Variants in ABCB11 observed in about 807,000 individuals in gnomAD.
ABCB11 encodes the protein bile salt export pump.
Under a neutral mutation model 148.0 loss-of-function variants are expected in ABCB11, and 95 were observed. That is an observed-to-expected ratio of 0.64 (90% CI 0.54 to 0.76). ABCB11 has a LOEUF of 0.76. Ranked by LOEUF, ABCB11 falls within the 30% of genes least tolerant of loss-of-function variation. The pLI, the probability that ABCB11 is intolerant of heterozygous loss-of-function variation, is 0.00. For missense variants in ABCB11, 1,523 were observed against 1,617.8 expected, an observed-to-expected ratio of 0.94 and a Z score of 1.01; for synonymous variants, 591 against 555.4, an observed-to-expected ratio of 1.06 and a Z score of -0.90.
At chr2:169,012,930 C>T (rs1489232393) in intron 5 of ABCB11, among the ~76,000 whole-genome samples, 2 of 151,920 alleles carry the variant, frequency 1.3e-5, no homozygotes, top group Non-Finnish European at 2.9e-5. Context: ...AAAAATAGAA[C>T]TCTTGGAGAT....
intron 11 of ABCB11, among the ~76,000 whole-genome samples, chr2:168,979,177 C>A (rs947039703): frequency 2.6e-5 from 4 of 152,084 alleles, no homozygotes; most frequent in Non-Finnish European, 5.9e-5. Flanking sequence ...AGCCTCTGCC[C>A]CTTGTTCACT....
At chr2:168,977,025 TTTAA>T (rs1428489352) in intron 11 of ABCB11, among the ~76,000 whole-genome samples, 7 of 148,642 alleles carry the variant, frequency 4.7e-5, no homozygotes, top group South Asian at 2.1e-4. Flanking sequence ...ATAATACATA[TTTAA>T]TTAATTTATT....
chr2:168,946,495 G>T (rs1205798628), intron 19 of ABCB11, among the ~76,000 whole-genome samples: 1 of 151,686 alleles, frequency 6.6e-6, no homozygotes, highest in Non-Finnish European at 1.5e-5. Context: ...CTCAATACTG[G>T]TAAAAGTGGG....
At chr2:168,940,485 T>A (rs1318427173) in intron 21 of ABCB11, among the ~76,000 whole-genome samples, 5 of 152,062 alleles carry the variant, frequency 3.3e-5, no homozygotes, top group Admixed American at 3.3e-4. Context: ...TCAATTCTAG[T>A]AAGGCTGAGA....
downstream of ABCB11, among the ~76,000 whole-genome samples, chr2:168,920,719 C>T (rs1416634856): frequency 6.6e-6 from 1 of 152,122 alleles, no homozygotes; most frequent in Non-Finnish European, 1.5e-5. Context: ...ATTGCAGAGA[C>T]CAAATCTTTG....
chr2:168,999,719 A>G lies in ABCB11; in HGVS notation c.390-2997T>C, dbSNP rs113661982. 7.3e-3 allele frequency among the ~76,000 whole-genome samples: 1,107 copies of G among 152,240 alleles called. 12 individuals carry two copies. Among genetic ancestry groups the G allele is most frequent in the African/African-American group, 0.024 (986 of 41,554 alleles). ...TGGATCACAGTTTGTTTAACCACTCATCCTTTGGAGGATATCTGGGCTGTT... is the reference window on the plus strand; with the variant it reads ...TGGATCACAGTTTGTTTAACCACTCGTCCTTTGGAGGATATCTGGGCTGTT... On this transcript the variant is annotated intron_variant, in intron 5 of 27. Transcript: ENST00000650372.
In ABCB11 at chr2:168,923,674, G is replaced by A. The variant is rs1691170783; in HGVS notation, c.3914C>T (p.Ala1305Val). The change falls in exon 28 of 28, where the codon GCC (alanine) becomes GTC (valine). Residue 1305 changes from alanine to valine, a missense_variant. Ala to Val is a moderately conservative substitution (Grantham distance 64). Transcript: ENST00000650372. ...TAGTTTGTAGTAGGCTCCTTTTTGG[G>A]CCATCAGTTCTTCATGGGTCCCCTT... ...IEKGTHEELM[A>V]QKGAYYKLVT... 1 of 1,613,664 alleles carries A rather than the reference G, an allele frequency of 6.2e-7. No individual in the cohort carries two copies. Among genetic ancestry groups the A allele is most frequent in the Non-Finnish European group, 8.5e-7 (1 of 1,179,812 alleles).
chr2:169,015,393 T>C (rs1558928782), intron 3 of ABCB11, among the ~76,000 whole-genome samples: 1 of 151,944 alleles, frequency 6.6e-6, no homozygotes, highest in Non-Finnish European at 1.5e-5. Context: ...ATCCTAAATT[T>C]TTTCTGAGAC....
chr2:169,018,198 T>C, intron 1 of ABCB11, 46 bp from the exon 2 acceptor site: 1 of 1,523,492 alleles, frequency 6.6e-7, no homozygotes, highest in Non-Finnish European at 9.0e-7. Flanking sequence ...ATCTCTTCTT[T>C]CTTCTTTAAT....
chr2:168,969,951 T>TGC, intron 15 of ABCB11, 94 bp downstream of exon 15: 1 of 705,478 alleles, frequency 1.4e-6, no homozygotes, highest in Non-Finnish European at 2.5e-6. Flanking sequence ...TATCAACTAC[T>TGC]CCCATCCCTC....
intron 13 of ABCB11, 146 bp from the exon 14 acceptor site, chr2:168,972,196 T>C (rs1287617316): frequency 4.4e-6 from 3 of 680,340 alleles, no homozygotes; most frequent in Admixed American, 2.8e-5. Context: ...TGTGGTTCTT[T>C]ATATAAGGAT....
At chr2:168,985,434 G>C (rs1694283890) in intron 10 of ABCB11, among the ~76,000 whole-genome samples, 1 of 152,096 alleles carries the variant, frequency 6.6e-6, no homozygotes, top group Non-Finnish European at 1.5e-5. Flanking sequence ...ATACAAAAGA[G>C]ATACTTGCAC....
At chr2:168,940,444 A>C (rs1316583720) in intron 21 of ABCB11, among the ~76,000 whole-genome samples, 1 of 152,136 alleles carries the variant, frequency 6.6e-6, no homozygotes, top group African/African-American at 2.4e-5. Context: ...CCTTAAGCCA[A>C]ACCTAATTCA....
rs886055060 is a variant in ABCB11, at chr2:168,923,370, A to T, written c.*252T>A. On this transcript the variant is annotated 3_prime_UTR_variant, in exon 28 of 28. Coordinates refer to ENST00000650372, the MANE Select transcript of ABCB11 (RefSeq NM_003742.4). ...AGTGGTGGCTGAGCTGCCACTTGAC[A>T]TTGGGTTTTCCCTCATATGGACCCT... The T allele has an allele frequency of 1.0e-4, 57 of 553,384 alleles. No individual in the cohort carries two copies. The East Asian group carries it at 1.7e-3, about 17-fold the overall frequency. The allele number at this position is 553,384 out of a possible 1,614,324, so 34.3% of individuals were successfully genotyped here.
chr2:168,968,403 A>C (rs1449925838), intron 17 of ABCB11, 24 bp downstream of exon 17: 1 of 1,605,312 alleles, frequency 6.2e-7, no homozygotes. Context: ...AAAGCTTGTA[A>C]TCTGCCCCAT....
At chr2:168,916,513 A>G (rs530578133), downstream of ABCB11, among the ~76,000 whole-genome samples, 14 of 152,352 alleles carry the variant, frequency 9.2e-5, no homozygotes, top group African/African-American at 3.4e-4. Context: ...TAATGAGCAC[A>G]TTATAATGCT....
intron 23 of ABCB11, 57 bp from the exon 24 acceptor site, chr2:168,932,590 C>A: frequency 6.3e-7 from 1 of 1,583,742 alleles, no homozygotes; most frequent in Non-Finnish European, 8.6e-7. Flanking sequence ...GTGTGATGAC[C>A]TGAAGGCAGA....
rs76527478 is a variant in ABCB11, at chr2:168,956,919, C to G, written c.2343+1045G>C. On this transcript the variant is annotated intron_variant, in intron 19 of 27. Coordinates refer to ENST00000650372, the MANE Select transcript of ABCB11 (RefSeq NM_003742.4). ...CTTACTGTTTGCCCATATCCAAAAGCCTCTTGTGGCTCTCAGGCAGTCCCC... is the reference window on the plus strand; with the variant it reads ...CTTACTGTTTGCCCATATCCAAAAGGCTCTTGTGGCTCTCAGGCAGTCCCC... Among the ~76,000 whole-genome samples, 1,503 of 151,686 alleles carry G rather than the reference C, an allele frequency of 9.9e-3. 30 individuals carry two copies. The highest frequency in any genetic ancestry group is 0.054 in the Admixed American group (822 of 15,226).
intron 1 of ABCB11, among the ~76,000 whole-genome samples, chr2:169,027,610 C>T (rs190868805): frequency 6.4e-4 from 98 of 152,284 alleles, no homozygotes; most frequent in African/African-American, 2.1e-3. Flanking sequence ...GCTAGATGGT[C>T]ACTTGAGAGA....
Sources: gnomAD v4.1 joint callset for allele counts (sites outside exome capture counted in the v4.1 genomes callset) on GRCh38, gnomAD v4.1.1 for gene constraint, MANE v1.5 for transcripts, NCBI Gene and HGNC (gene_info 2026-07-23, HGNC 2026-07-21) for gene names.